Variants in MUC4 observed in about 807,000 individuals in gnomAD.
The protein encoded by MUC4 is mucin-4.
A neutral mutation model predicts 257.9 loss-of-function variants in MUC4; 202 were observed. The observed-to-expected ratio is 0.78, with a 90% CI of 0.70 to 0.88. MUC4 has a LOEUF of 0.88. Ranked by LOEUF, MUC4 falls within the 40% of genes least tolerant of loss-of-function variation. The pLI, the probability that MUC4 is intolerant of heterozygous loss-of-function variation, is 0.00. For missense variants in MUC4, 5,976 were observed against 6,513.7 expected, an observed-to-expected ratio of 0.92 and a Z score of 2.84; for synonymous variants, 2,351 against 2,757.1, an observed-to-expected ratio of 0.85 and a Z score of 4.62.
intron 7 of MUC4, among the ~76,000 whole-genome samples, chr3:195,767,656 A>ATTG (rs1721340574): frequency 3.5e-5 from 3 of 84,992 alleles, no homozygotes; most frequent in Non-Finnish European, 2.1e-5. Flanking sequence ...CACCACCACC[A>ATTG]CCACCACCAT....
chr3:195,804,988 C>T (rs780794749), intron 1 of MUC4, among the ~76,000 whole-genome samples: 27 of 152,336 alleles, frequency 1.8e-4, no homozygotes, highest in Middle Eastern at 3.4e-3. Flanking sequence ...CTGTGGAATA[C>T]ATCCCAGGCC....
Position 195,780,466 on chromosome 3 carries a change from G to A in MUC4, c.11114C>T (p.Ser3705Leu), listed in dbSNP as rs879659081. 34 of 1,522,682 alleles carry A rather than the reference G, an allele frequency of 2.2e-5. 3 individuals carry two copies. The African/African-American group carries it at 2.3e-4, about 10-fold the overall frequency. The allele number at this position is 1,522,682 out of a possible 1,614,324, so 94.3% of individuals were successfully genotyped here. ...AAGAGGGGTGGTGTGACCTGAGGAT[G>A]ATGAGGAAGGGATGGTGACAGGAAG... ...TPLPVTIPSS[S>L]SSGHTTPLPV... The change falls in exon 2 of 25, where the codon TCA becomes TTA. Residue 3705 changes from serine to leucine, a missense_variant. Physicochemically the swap from Ser to Leu is moderately radical, Grantham distance 145 (BLOSUM62 -2). This residue lies in a region of MUC4 where 330 missense variants were observed against 262.0 expected (regional missense o/e 1.26). Coordinates refer to ENST00000463781, the MANE Select transcript of MUC4 (RefSeq NM_018406.7).
At chr3:195,761,215 C>A (rs888629558) in intron 15 of MUC4, 98 bp from the exon 16 acceptor site, 7 of 1,178,548 alleles carry the variant, frequency 5.9e-6, no homozygotes, top group South Asian at 1.3e-5. Context: ...TGGAGCGGGG[C>A]GGTGGGAGTG....
chr3:195,753,512 C>T, intron 19 of MUC4: 2 of 503,102 alleles, frequency 4.0e-6, no homozygotes, highest in South Asian at 2.7e-5. Flanking sequence ...GAGGGGCCCC[C>T]AGCTGGCTTT....
intron 3 of MUC4, among the ~76,000 whole-genome samples, chr3:195,775,140 C>A (rs1256850571): frequency 2.0e-5 from 3 of 152,070 alleles, no homozygotes; most frequent in Non-Finnish European, 1.5e-5. Flanking sequence ...TGCTTGGAAA[C>A]CCGCAGGCTC....
At position 195,789,942 on chromosome 3, in the gene MUC4, G is replaced by A; in HGVS notation, c.1638C>T (p.Thr546=). 6.2e-7 allele frequency: 1 copy of A among 1,613,958 alleles called. No homozygotes were observed. Among genetic ancestry groups the A allele is most frequent in the Non-Finnish European group, 8.5e-7 (1 of 1,179,880 alleles). ...GAGTTGTGCTGTGGGAGGAGTATGT[G>A]GTGGGCTCTCCTGGTTCCCCTATTG... is the stretch of plus-strand genomic sequence containing the variant. The part of the protein sequence containing the change: ...VSAIGEPGEP[T]TYSSHSTTLP... The change falls in exon 2 of 25, where the codon ACC becomes ACT. Residue 546 remains threonine, a synonymous_variant. Transcript: ENST00000463781.
intron 18 of MUC4, among the ~76,000 whole-genome samples, chr3:195,754,855 A>G (rs989472846): frequency 7.2e-5 from 11 of 151,772 alleles, no homozygotes; most frequent in African/African-American, 2.7e-4. Context: ...GTATGTATCC[A>G]TGTAGATATG....
rs773163349 is a variant in MUC4 at position 195,811,746 on chromosome 3, A to C, written c.72T>G (p.His24Gln). The C allele has an allele frequency of 1.1e-5, 17 of 1,613,960 alleles. No homozygotes were observed. In the South Asian group the frequency reaches 1.9e-4, roughly 18 times the overall value. The change falls in exon 1 of 25, where the codon CAT becomes CAG. Residue 24 changes from histidine (H) to glutamine (Q), a missense_variant. This residue lies in a region of MUC4 where 1,583 missense variants were observed against 1,257.4 expected (regional missense o/e 1.26). Transcript: ENST00000463781. Reference sequence around the variant, plus strand: ...GTCTCCATCACTTACCTGGGACCACATGCGGAAGGAGGCAGAGACACAGGC... The same window carrying C: ...GTCTCCATCACTTACCTGGGACCACCTGCGGAAGGAGGCAGAGACACAGGC... ...LSCLCLCLLP[H>Q]VVPGTTEDTL... is the part of the protein sequence containing the mutation.
Position 195,754,335 on chromosome 3 carries a change from C to T in MUC4, c.15206G>A (p.Arg5069His), listed in dbSNP as rs781526743. ...GGCATCCTCGGAGCCCTCGCAGTAG[C>T]GGCCGAAGGTGCCCCCGTCACACTT... ...GCKCDGGTFG[R>H]YCEGSEDACE... Residue 5069 changes from arginine to histidine, a missense_variant, in exon 19 of 25, where the codon CGC becomes CAC. Arg to His is a conservative substitution (Grantham distance 29, BLOSUM62 0). Coordinates refer to ENST00000463781, the MANE Select transcript of MUC4 (RefSeq NM_018406.7). The T allele has an allele frequency of 5.6e-6, 9 of 1,611,792 alleles. No homozygotes were observed. Among genetic ancestry groups the T allele is most frequent in the African/African-American group, 1.3e-5 (1 of 75,008 alleles).
chr3:195,783,063 G>A lies in MUC4; in HGVS notation c.8517C>T (p.Ser2839=). Residue 2839 remains serine, a synonymous_variant, in exon 2 of 25, where the codon TCC becomes TCT. Coordinates refer to ENST00000463781, the MANE Select transcript of MUC4 (RefSeq NM_018406.7). The part of the protein sequence containing the change: ...HATSLPVTIP[S]SASSGHTTPL... ...GGGTGGTGTGACCTGAGGATGCTGA[G>A]GAAGGGATGGTGACAGGAAGAGAGG... The A allele has an allele frequency of 2.5e-6, 2 of 802,480 alleles. No individual in the cohort carries two copies. Among genetic ancestry groups the A allele is most frequent in the South Asian group, 1.9e-5 (1 of 51,864 alleles). 49.7% of individuals were successfully genotyped at this position (802,480 alleles called of 1,614,324 possible).
rs1560264326 is a variant in MUC4 at position 195,767,738 on chromosome 3, A to ACCCCCAACAC, written c.13530-988_13530-987insGTGTTGGGGG. 2.3e-4 allele frequency among the ~76,000 whole-genome samples: 3 copies of ACCCCCAACAC among 12,946 alleles called. 1 individual carries two copies. The highest frequency in any genetic ancestry group is 4.2e-4 in the Non-Finnish European group (3 of 7,198). 8.5% of individuals were successfully genotyped at this position (12,946 alleles called of 152,430 possible). On this transcript the variant is annotated intron_variant, in intron 7 of 24. Coordinates refer to ENST00000463781, the MANE Select transcript of MUC4 (RefSeq NM_018406.7). ...GGCCACCACCACCATCACCACCACC[A>ACCCCCAACAC]TCACCATCGCCACCACCACCATCAC...
Position 195,810,977 on chromosome 3 carries a change from C to G in MUC4, c.82+759G>C, listed in dbSNP as rs1736631460. ...CTCTGCGAGTAAGCCTGGGCTCTCA[C>G]CATGGATCCTTCCAGACATCGCCGG... is the stretch of plus-strand genomic sequence containing the variant. On this transcript the variant is annotated intron_variant, in intron 1 of 24. Coordinates refer to ENST00000463781, the MANE Select transcript of MUC4 (RefSeq NM_018406.7). This position sits in a 1 kb window ranked among gnomAD's most constrained non-coding sequence, Gnocchi z 4.2. Among the ~76,000 whole-genome samples, 1 of 151,934 alleles carries G rather than the reference C, an allele frequency of 6.6e-6. No homozygotes were observed. Among genetic ancestry groups the G allele is most frequent in the South Asian group, 2.1e-4 (1 of 4,816 alleles).
chr3:195,747,396 G>A lies in MUC4; in HGVS notation c.16035-16C>T, dbSNP rs372694749. 3.8e-5 allele frequency: 62 copies of A among 1,612,408 alleles called. No homozygotes were observed. The highest frequency in any genetic ancestry group is 7.6e-6 in the Non-Finnish European group (9 of 1,178,906). Reference sequence around the variant, plus strand: ...GGACACACAGCTGGTGACCAAGAGAGACAGACAGGCGGTCAGAGGCGGGAG... The same window carrying A: ...GGACACACAGCTGGTGACCAAGAGAAACAGACAGGCGGTCAGAGGCGGGAG... On this transcript the variant is annotated splice_polypyrimidine_tract_variant and intron_variant, in intron 24 of 24. Transcript: ENST00000463781.
rs773685730 is a variant in MUC4, at chr3:195,780,506, C to T, written c.11074G>A (p.Gly3692Ser). 94 of 1,149,684 alleles carry T rather than the reference C, an allele frequency of 8.2e-5. 3 individuals are homozygous for T. Among genetic ancestry groups the T allele is most frequent in the Non-Finnish European group, 8.6e-5 (79 of 921,824 alleles). 71.2% of individuals were successfully genotyped at this position (1,149,684 alleles called of 1,614,324 possible). A position where few individuals can be genotyped will look rare whatever the true frequency, so the allele number is the denominator to read the frequency against. Residue 3692 changes from glycine (G) to serine (S), a missense_variant, in exon 2 of 25, where the codon GGT becomes AGT. Gly to Ser is a moderately conservative substitution (Grantham distance 56, BLOSUM62 0). This residue lies in a region of MUC4 where 330 missense variants were observed against 262.0 expected (regional missense o/e 1.26). Transcript: ENST00000463781. Reference protein sequence around the residue: ...PVTDTSSASTGQATPLPVTIP... With the variant: ...PVTDTSSASTSQATPLPVTIP... ...GTGACAGGAAGAGGGGTGGCCTGAC[C>T]TGTGGATGCTGAGGAAGTGTCCGTG...
At chr3:195,800,306 G>GAT (rs1415781419) in intron 1 of MUC4, among the ~76,000 whole-genome samples, 92 of 152,164 alleles carry the variant, frequency 6.0e-4, no homozygotes, top group African/African-American at 2.2e-3. Context: ...TGCTAAACAG[G>GAT]GCTGTGTCCT....
Position 195,750,962 on chromosome 3 carries a change from C to A in MUC4, c.15798G>T (p.Arg5266=). 6.2e-7 allele frequency: 1 copy of A among 1,614,092 alleles called. No homozygotes were observed. Among genetic ancestry groups the A allele is most frequent in the African/African-American group, 1.3e-5 (1 of 75,036 alleles). ...CGTCGTTCCTGGGCTCCTCACTCCTCCGTGGAACGTGGTATAAGAACGCCT... is the reference window on the plus strand; with the variant it reads ...CGTCGTTCCTGGGCTCCTCACTCCTACGTGGAACGTGGTATAAGAACGCCT... ...VVEAFLYHVP[R]RSEEPRNDVV... Residue 5266 remains arginine (R), a synonymous_variant, in exon 23 of 25, where the codon CGG becomes CGT. Transcript: ENST00000463781.
At chr3:195,775,649 GTCATACCTTCCACAC>G (rs1724380421) in intron 3 of MUC4, among the ~76,000 whole-genome samples, 1 of 32,242 alleles carries the variant, frequency 3.1e-5, no homozygotes, top group Non-Finnish European at 5.8e-5. Context: ...ACCTTCCACA[GTCATACCTTCCACAC>G]CCATACCTTC....
intron 1 of MUC4, among the ~76,000 whole-genome samples, chr3:195,799,099 A>G (rs1734952667): frequency 6.6e-6 from 1 of 152,064 alleles, no homozygotes; most frequent in African/African-American, 2.4e-5. Flanking sequence ...CTGTGTGTCC[A>G]CCATACCCAC....
At chr3:195,754,812 ATCCATGTG>A (rs1256022850) in intron 18 of MUC4, among the ~76,000 whole-genome samples, 2 of 17,258 alleles carry the variant, frequency 1.2e-4, no homozygotes, top group Non-Finnish European at 7.3e-4. Flanking sequence ...GCATGTATGT[ATCCATGTG>A]TGTATCCATG....
Sources: allele counts gnomAD v4.1 joint callset (sites outside exome capture counted in the v4.1 genomes callset), GRCh38; gene constraint gnomAD v4.1.1; regional missense constraint gnomAD v4.1.1; non-coding constraint Gnocchi (gnomAD v3.1); transcripts MANE v1.5; gene names NCBI Gene and HGNC (gene_info 2026-07-23, HGNC 2026-07-21).